Variants in SLC41A3 observed in about 807,000 individuals in gnomAD.
SLC41A3 encodes solute carrier family 41 member 3, also known as SLC41A1-like 2.
SLC41A3 carries 44 observed loss-of-function variants against 45.4 expected under a neutral mutation model. The observed-to-expected ratio is 0.97, with a 90% CI of 0.76 to 1.25. The LOEUF (loss-of-function observed/expected upper bound fraction) is 1.25. Ranked by LOEUF, SLC41A3 falls within the 50% of genes most tolerant of loss-of-function variation. SLC41A3 has a pLI of 0.00. For synonymous variants in SLC41A3, 256 were observed against 252.4 expected (o/e 1.01, Z -0.13); for missense variants, 550 against 600.6 (o/e 0.92, Z 0.88).
intron 2 of SLC41A3, among the ~76,000 whole-genome samples, chr3:126,052,406 T>C (rs1943391729): frequency 6.6e-6 from 1 of 151,926 alleles, no homozygotes; most frequent in South Asian, 2.1e-4. Flanking sequence ...TCATGGGCAC[T>C]CTCTCTGTCT....
intron 1 of SLC41A3, among the ~76,000 whole-genome samples, chr3:126,091,168 T>C (rs1945482281): frequency 6.6e-6 from 1 of 152,208 alleles, no homozygotes; most frequent in Non-Finnish European, 1.5e-5. Context: ...GGCCAGAAGA[T>C]AGACTCCATT....
rs1944692623 is a variant in SLC41A3, at chr3:126,072,884, G to A, written c.-27-4638C>T. 3.3e-5 allele frequency among the ~76,000 whole-genome samples: 5 copies of A among 152,248 alleles called. No homozygotes were observed. The South Asian group carries it at 1.0e-3, about 32-fold the overall frequency. On this transcript the variant is annotated intron_variant, in intron 1 of 10. Coordinates refer to ENST00000360370, the MANE Select transcript of SLC41A3 (RefSeq NM_017836.4). ...AAAATCAGCCTAATGCCTGTCAACA[G>A]AAGACTGAATAAAGAATATGTAGTA...
chr3:126,059,287 A>AG (rs1476177763), intron 2 of SLC41A3, among the ~76,000 whole-genome samples: 7 of 127,256 alleles, frequency 5.5e-5, no homozygotes, highest in East Asian at 2.3e-4. Context: ...AGAAAGAAAG[A>AG]AAGAAAGAAA....
chr3:126,034,155 C>T (rs1942017033), intron 3 of SLC41A3, among the ~76,000 whole-genome samples: 1 of 152,228 alleles, frequency 6.6e-6, no homozygotes, highest in Admixed American at 6.5e-5. Context: ...ACACCCTCCT[C>T]TACCCTGAAG....
chr3:126,096,746 G>C (rs1382545140), intron 1 of SLC41A3, among the ~76,000 whole-genome samples: 3 of 152,102 alleles, frequency 2.0e-5, no homozygotes, highest in African/African-American at 7.2e-5. Context: ...TAATAAATAC[G>C]TGGGTAAATC....
At chr3:126,074,183 C>T (rs1944765400) in intron 1 of SLC41A3, among the ~76,000 whole-genome samples, 1 of 151,782 alleles carries the variant, frequency 6.6e-6, no homozygotes, top group South Asian at 2.1e-4. Context: ...CATAGATGCC[C>T]TTAGTCAGGA....
At chr3:126,045,994 GAA>G (rs149317301) in intron 3 of SLC41A3, among the ~76,000 whole-genome samples, 2 of 149,748 alleles carry the variant, frequency 1.3e-5, no homozygotes, top group Admixed American at 6.7e-5. Context: ...TCAATGGGGG[GAA>G]AAAAAACCAC....
At chr3:126,028,759 G>A (rs113058221) in intron 4 of SLC41A3, among the ~76,000 whole-genome samples, 9 of 152,362 alleles carry the variant, frequency 5.9e-5, no homozygotes, top group African/African-American at 1.9e-4. Flanking sequence ...CAGACAGGGC[G>A]GAACCCTGCA....
intron 2 of SLC41A3, chr3:126,057,196 G>A (rs1943726179): frequency 2.0e-6 from 2 of 983,306 alleles, no homozygotes; most frequent in Non-Finnish European, 2.4e-6. Context: ...GTCATCTCAA[G>A]TTGTGTCCAG....
At chr3:126,067,391 T>A (rs1269175525) in intron 2 of SLC41A3, 1 of 163,332 alleles carries the variant, frequency 6.1e-6, no homozygotes, top group Non-Finnish European at 1.3e-5. Flanking sequence ...GGTAATTAAA[T>A]TAAAATGAGG....
intron 6 of SLC41A3, among the ~76,000 whole-genome samples, chr3:126,019,333 C>G (rs1040109670): frequency 1.3e-5 from 2 of 152,180 alleles, no homozygotes; most frequent in African/African-American, 4.8e-5. Flanking sequence ...CCAATCACCT[C>G]TTAAAGGCCC....
chr3:126,017,604 C>T (rs992984871), intron 6 of SLC41A3, among the ~76,000 whole-genome samples: 1 of 152,222 alleles, frequency 6.6e-6, no homozygotes, highest in African/African-American at 2.4e-5. Flanking sequence ...GTGAGGGTCC[C>T]CCACAAGTGA....
At chr3:126,056,431 C>G in intron 2 of SLC41A3, 1 of 1,614,204 alleles carries the variant, frequency 6.2e-7, no homozygotes, top group Non-Finnish European at 8.5e-7. Context: ...CACGACCTGG[C>G]ACATGATGGT....
chr3:126,098,093 T>A (rs1169687901), intron 1 of SLC41A3, among the ~76,000 whole-genome samples: 1 of 152,242 alleles, frequency 6.6e-6, no homozygotes, highest in African/African-American at 2.4e-5. Context: ...TGGTAAATAA[T>A]AAAGTCTCAT....
intron 4 of SLC41A3, 43 bp downstream of exon 4, chr3:126,033,564 G>C: frequency 6.3e-7 from 1 of 1,597,250 alleles, no homozygotes; most frequent in South Asian, 1.1e-5. Context: ...GGGAAGCCTG[G>C]CTGCAGATTC....
At chr3:126,085,616 A>G (rs934147219), upstream of SLC41A3, among the ~76,000 whole-genome samples, 1 of 152,246 alleles carries the variant, frequency 6.6e-6, no homozygotes, top group African/African-American at 2.4e-5. Context: ...ATTCTAGTTC[A>G]GAGACACATT....
chr3:126,064,210 C>A (rs926971564), intron 2 of SLC41A3, among the ~76,000 whole-genome samples: 1 of 152,020 alleles, frequency 6.6e-6, no homozygotes. Flanking sequence ...ATAATGTGAG[C>A]GGCGCGTTCC....
chr3:126,043,877 A>T (rs1486533841), intron 3 of SLC41A3, among the ~76,000 whole-genome samples: 1 of 151,886 alleles, frequency 6.6e-6, no homozygotes, highest in East Asian at 1.9e-4. Context: ...AATAAGAGAC[A>T]AAAAAGCTAT....
chr3:126,066,597 G>A (rs1944357382), intron 2 of SLC41A3, among the ~76,000 whole-genome samples: 1 of 152,200 alleles, frequency 6.6e-6, no homozygotes, highest in African/African-American at 2.4e-5. Context: ...TGTGGTACTG[G>A]AGGAAGTACA....
Sources: allele counts gnomAD v4.1 joint callset (sites outside exome capture counted in the v4.1 genomes callset), GRCh38; gene constraint gnomAD v4.1.1; transcripts MANE v1.5; gene names NCBI Gene and HGNC (gene_info 2026-07-23, HGNC 2026-07-21).